The following GRIP1 variants were observed in gnomAD, a reference collection of about 807,000 sequenced individuals.
The protein encoded by GRIP1 is glutamate receptor-interacting protein 1.
A neutral mutation model predicts 129.9 loss-of-function variants in GRIP1; 45 were observed. That is an observed-to-expected ratio of 0.35 (90% CI 0.27 to 0.44). The LOEUF (loss-of-function observed/expected upper bound fraction) is 0.44. GRIP1 is among the 20% of genes least tolerant of loss of function. GRIP1 has a pLI of 1.00. For synonymous variants in GRIP1, 530 were observed against 520.8 expected (o/e 1.02, Z -0.24); for missense variants, 1,196 against 1,396.8 (o/e 0.86, Z 2.29).
At chr12:66,363,309 T>C (rs1239053842) in intron 23 of GRIP1, among the ~76,000 whole-genome samples, 1 of 147,998 alleles carries the variant, frequency 6.8e-6, no homozygotes, top group Non-Finnish European at 1.5e-5. Context: ...AGTGGTGAGG[T>C]TGTGGCTCAC....
intron 1 of GRIP1, among the ~76,000 whole-genome samples, chr12:66,877,664 T>C (rs1484778642): frequency 3.9e-5 from 6 of 152,190 alleles, no homozygotes; most frequent in East Asian, 1.9e-4. Flanking sequence ...TTTTTTATAA[T>C]GGGAAATGTC....
chr12:66,454,935 T>C (rs576678065), intron 11 of GRIP1, among the ~76,000 whole-genome samples: 2 of 152,304 alleles, frequency 1.3e-5, no homozygotes, highest in South Asian at 4.1e-4. Context: ...TAACAAAATA[T>C]AATTTAGTAT....
chr12:66,351,296 A>G (rs2054208643), intron 24 of GRIP1, among the ~76,000 whole-genome samples: 2 of 152,182 alleles, frequency 1.3e-5, no homozygotes, highest in South Asian at 4.1e-4. Flanking sequence ...ACTGACTTCA[A>G]CCCACTCCAT....
chr12:66,929,817 T>C (rs979526779), intron 1 of GRIP1, among the ~76,000 whole-genome samples: 9 of 152,216 alleles, frequency 5.9e-5, no homozygotes, highest in African/African-American at 2.2e-4. Context: ...AGCTCAGTCC[T>C]TCACTTCTGT....
At chr12:66,808,158 A>T (rs1022958325), upstream of GRIP1, among the ~76,000 whole-genome samples, 7 of 152,056 alleles carry the variant, frequency 4.6e-5, no homozygotes, top group African/African-American at 1.7e-4. Context: ...GGTGCTATTT[A>T]TCAGTTATTG....
At chr12:66,574,306 G>A (rs566037174) in intron 2 of GRIP1, among the ~76,000 whole-genome samples, 1 of 152,380 alleles carries the variant, frequency 6.6e-6, no homozygotes, top group African/African-American at 2.4e-5. Context: ...GCGTTTTAGT[G>A]TAAGATTCCA....
intron 2 of GRIP1, chr12:66,568,830 G>T: frequency 2.7e-6 from 1 of 369,584 alleles, no homozygotes; most frequent in South Asian, 2.4e-5. Context: ...ATGTCCCAAG[G>T]CAATTAGTAC....
At chr12:66,615,695 T>A (rs933834429) in intron 1 of GRIP1, among the ~76,000 whole-genome samples, 2 of 152,162 alleles carry the variant, frequency 1.3e-5, no homozygotes, top group African/African-American at 4.8e-5. Context: ...CACACTGGAG[T>A]ATGCAGTGGT....
chr12:66,844,393 C>T (rs1459007770), intron 1 of GRIP1, among the ~76,000 whole-genome samples: 1 of 152,098 alleles, frequency 6.6e-6, no homozygotes, highest in Non-Finnish European at 1.5e-5. Context: ...CATGAGATAC[C>T]ACCTTGGACC....
intron 1 of GRIP1, among the ~76,000 whole-genome samples, chr12:66,786,517 T>C (rs1034513113): frequency 1.3e-5 from 2 of 152,202 alleles, no homozygotes; most frequent in Non-Finnish European, 2.9e-5. Flanking sequence ...ACCCAAACCA[T>C]GTATCTCTGG....
intron 22 of GRIP1, among the ~76,000 whole-genome samples, chr12:66,376,589 G>T (rs2055794315): frequency 6.6e-6 from 1 of 152,170 alleles, no homozygotes. Context: ...ACAATTAACA[G>T]CAATGTACTG....
intron 7 of GRIP1, 68 bp downstream of exon 7, chr12:66,515,551 A>T: frequency 7.2e-7 from 1 of 1,392,230 alleles, no homozygotes; most frequent in Non-Finnish European, 1.0e-6. Flanking sequence ...TTAATCCAAC[A>T]TGGTTTATCA....
Position 66,715,471 on chromosome 12 carries a change from T to TGTGTGTGTGTGTGA in GRIP1, c.-419-85136_-419-85135insTCACACACACACAC, listed in dbSNP as rs761155485. Among the ~76,000 whole-genome samples, 169 of 110,118 alleles carry TGTGTGTGTGTGTGA rather than the reference T, an allele frequency of 1.5e-3. 2 individuals carry two copies. Among genetic ancestry groups the TGTGTGTGTGTGTGA allele is most frequent in the South Asian group, 6.7e-3 (22 of 3,260 alleles). 72.2% of individuals were successfully genotyped at this position (110,118 alleles called of 152,430 possible). A position where few individuals can be genotyped will look rare whatever the true frequency, so the allele number is the denominator to read the frequency against. The stretch of plus-strand genomic sequence containing the variant: ...AGCTTGATGTGTGTGTGTGTGTGTG[T>TGTGTGTGTGTGTGA]GAGAGAGAGAGAGAGAGAGAGAGAG... On this transcript the variant is annotated intron_variant, in intron 1 of 4. Coordinates refer to the GRIP1 transcript ENST00000538373.
intron 1 of GRIP1, among the ~76,000 whole-genome samples, chr12:67,003,507 C>T (rs932808445): frequency 1.5e-4 from 23 of 151,856 alleles, no homozygotes; most frequent in Admixed American, 5.3e-4. Flanking sequence ...GCCTCAGCAA[C>T]GTGGTGAAAT....
intron 1 of GRIP1, among the ~76,000 whole-genome samples, chr12:66,881,522 CT>C (rs905245674): frequency 5.0e-4 from 74 of 149,152 alleles, no homozygotes; most frequent in African/African-American, 9.1e-4. Context: ...GAATGGATAA[CT>C]TTTTTTTTTT....
intron 1 of GRIP1, among the ~76,000 whole-genome samples, chr12:66,721,636 A>G (rs1014222474): frequency 1.3e-5 from 2 of 152,208 alleles, no homozygotes; most frequent in Non-Finnish European, 2.9e-5. Context: ...TTAGCCCTTA[A>G]CAAGAGAATC....
chr12:66,471,417 AG>A, intron 7 of GRIP1, among the ~76,000 whole-genome samples: 1 of 152,178 alleles, frequency 6.6e-6, no homozygotes. Context: ...AATGGATACA[AG>A]GTTTCCTTTT....
At chr12:66,817,760 C>T (rs1055328195) in intron 1 of GRIP1, among the ~76,000 whole-genome samples, 3 of 152,124 alleles carry the variant, frequency 2.0e-5, no homozygotes, top group African/African-American at 7.2e-5. Context: ...GCAACAAATA[C>T]ATCACATGTT....
At chr12:66,807,728 C>G (rs941683011), upstream of GRIP1, among the ~76,000 whole-genome samples, 1 of 152,004 alleles carries the variant, frequency 6.6e-6, no homozygotes, top group African/African-American at 2.4e-5. Context: ...GCTCACTCCC[C>G]CTTTGCCTTT....
Sources: allele counts gnomAD v4.1 joint callset (sites outside exome capture counted in the v4.1 genomes callset), GRCh38; gene constraint gnomAD v4.1.1; transcripts MANE v1.5; gene names NCBI Gene and HGNC (gene_info 2026-07-23, HGNC 2026-07-21).